MFSD2A: variants seen among roughly 807,000 people sequenced by gnomAD.
MFSD2A encodes MFSD2 lysolipid transporter A, lysophospholipid.
MFSD2A carries 27 observed loss-of-function variants against 64.7 expected under a neutral mutation model. The ratio of observed to expected loss-of-function variants is 0.42; its 90% confidence interval spans 0.31 to 0.58. MFSD2A has a LOEUF of 0.58. Among genes scored for constraint, MFSD2A ranks in the 20% least tolerant of loss-of-function variants. The probability of loss-of-function intolerance (pLI) is 0.18; values close to 1 mark genes in which losing one functional copy is unlikely to be tolerated. For missense variants in MFSD2A, 474 were observed against 679.5 expected, an observed-to-expected ratio of 0.70 and a Z score of 3.36; for synonymous variants, 258 against 273.4, an observed-to-expected ratio of 0.94 and a Z score of 0.55.
At chr1:39,959,445 G>A (rs35950692) in intron 3 of MFSD2A, among the ~76,000 whole-genome samples, 12,525 of 151,596 alleles carry the variant, frequency 0.083, 1,255 homozygotes, top group East Asian at 0.47. Context: ...TAGAGACAGC[G>A]TCTCACTATA....
intron 3 of MFSD2A, among the ~76,000 whole-genome samples, chr1:39,961,855 G>C (rs1005927230): frequency 6.6e-5 from 10 of 152,170 alleles, no homozygotes; most frequent in African/African-American, 2.4e-4. Flanking sequence ...GAGTTCTCAA[G>C]GCCAGTGTGT....
At position 39,955,649 on chromosome 1, in the gene MFSD2A, C is replaced by T. The variant is rs1270616412; in HGVS notation, c.93+264C>T. ...CAGCCCCATGTGATTCCCCGCTCTG[C>T]CTAGCCGGTTTCCATTCTTCCGTGT... On this transcript the variant is annotated intron_variant, in intron 1 of 13. Transcript: ENST00000372811. The surrounding 1 kb of genome is among the most constrained non-coding windows in gnomAD (Gnocchi z 5.9). 1.8e-5 allele frequency: 12 copies of T among 669,984 alleles called. No homozygotes were observed. The highest frequency in any genetic ancestry group is 3.3e-5 in the Non-Finnish European group (12 of 364,346). The allele number at this position is 669,984 out of a possible 1,614,324, so 41.5% of individuals were successfully genotyped here. A position where few individuals can be genotyped will look rare whatever the true frequency, so the allele number is the denominator to read the frequency against.
chr1:39,966,525 G>T, intron 6 of MFSD2A, 76 bp from the exon 7 acceptor site: 1 of 1,216,198 alleles, frequency 8.2e-7, no homozygotes. Context: ...AGATCATTGA[G>T]TGGGGCTGCT....
intron 9 of MFSD2A, 80 bp from the exon 10 acceptor site, chr1:39,967,548 C>A: frequency 1.5e-6 from 2 of 1,333,246 alleles, no homozygotes; most frequent in Non-Finnish European, 2.2e-6. Flanking sequence ...GGCTGGGAGC[C>A]ACTTTGGGGT....
intron 9 of MFSD2A, 152 bp from the exon 10 acceptor site, chr1:39,967,476 G>A (rs910190568): frequency 2.7e-5 from 20 of 737,696 alleles, no homozygotes; most frequent in Non-Finnish European, 3.1e-5. Context: ...CTGGGGAGCC[G>A]TCAAAGGTGC....
At position 39,965,072 on chromosome 1, in the gene MFSD2A, G is replaced by A; in HGVS notation, c.354-139G>A. On this transcript the variant is annotated intron_variant, in intron 3 of 13. Transcript: ENST00000372811. This position sits in a 1 kb window ranked among gnomAD's most constrained non-coding sequence, Gnocchi z 5.5. ...CTCTTCCCAGAGGCCCAGGATGGGT[G>A]GATTTGGCAGGAGTATGGGGAAGGA... 2.5e-6 allele frequency: 3 copies of A among 1,207,622 alleles called. No homozygotes were observed. Among genetic ancestry groups the A allele is most frequent in the Non-Finnish European group, 3.4e-6 (3 of 875,968 alleles). 74.8% of individuals were successfully genotyped at this position (1,207,622 alleles called of 1,614,324 possible). A position where few individuals can be genotyped will look rare whatever the true frequency, so the allele number is the denominator to read the frequency against.
intron 9 of MFSD2A, 121 bp from the exon 10 acceptor site, chr1:39,967,507 C>G: frequency 1.1e-6 from 1 of 895,910 alleles, no homozygotes; most frequent in Non-Finnish European, 1.9e-6. Flanking sequence ...CGTTGCTGCC[C>G]ACATGATGTC....
chr1:39,967,869 A>G lies in MFSD2A; in HGVS notation c.1161A>G (p.Val387=). The G allele has an allele frequency of 6.2e-7, 1 of 1,613,878 alleles. No individual in the cohort carries two copies. The highest frequency in any genetic ancestry group is 8.5e-7 in the Non-Finnish European group (1 of 1,179,898). Residue 387 remains valine (V), a synonymous_variant, in exon 11 of 14, where the codon GTA becomes GTG. Coordinates refer to ENST00000372811, the MANE Select transcript of MFSD2A (RefSeq NM_032793.5). The part of the protein sequence containing the change: ...MESNLIITYA[V]AVAAGISVAA... ...GTAACCTCATCATTACATATGCGGT[A>G]GCTGTGGCAGCTGGCATCAGTGTGG...
intron 6 of MFSD2A, 76 bp from the exon 7 acceptor site, chr1:39,966,525 G>A (rs1645164140): frequency 1.6e-6 from 2 of 1,216,080 alleles, no homozygotes; most frequent in Non-Finnish European, 1.2e-6. Flanking sequence ...AGATCATTGA[G>A]TGGGGCTGCT....
In MFSD2A at chr1:39,968,318, T is replaced by C. The variant is rs1259700089; in HGVS notation, c.1209-16T>C. ...TTAGGTGGGTCAGTCCTCATGGCTG[T>C]CACTACTCTGCGCAGGTCCATGCTG... is the stretch of plus-strand genomic sequence containing the variant. On this transcript the variant is annotated splice_polypyrimidine_tract_variant and intron_variant, in intron 11 of 13. Transcript: ENST00000372811. This position sits in a 1 kb window ranked among gnomAD's most constrained non-coding sequence, Gnocchi z 4.4. The C allele has an allele frequency of 1.2e-6, 2 of 1,614,024 alleles. No individual in the cohort carries two copies. Among genetic ancestry groups the C allele is most frequent in the East Asian group, 2.2e-5 (1 of 44,900 alleles).
chr1:39,959,246 CT>C (rs1260712054), intron 3 of MFSD2A, among the ~76,000 whole-genome samples: 3 of 150,782 alleles, frequency 2.0e-5, no homozygotes, highest in African/African-American at 4.9e-5. Context: ...TTCTATCTTT[CT>C]TTCTTTTTTT....
Position 39,967,246 on chromosome 1 carries a change from G to A in MFSD2A, c.1011+77G>A, listed in dbSNP as rs1645183869. 3.0e-6 allele frequency: 4 copies of A among 1,346,338 alleles called. No individual in the cohort carries two copies. The South Asian group carries it at 4.9e-5, about 16-fold the overall frequency. 83.4% of individuals were successfully genotyped at this position (1,346,338 alleles called of 1,614,324 possible). On this transcript the variant is annotated intron_variant, in intron 9 of 13. Coordinates refer to ENST00000372811, the MANE Select transcript of MFSD2A (RefSeq NM_032793.5). ...TGTGGAATGGTTCTTGGAATAGGCA[G>A]AGGATGTTTCTCAGGCTGGCCCAAG...
intron 3 of MFSD2A, chr1:39,962,960 T>A (rs1333192058): frequency 6.4e-7 from 1 of 1,551,414 alleles, no homozygotes; most frequent in East Asian, 2.3e-5. Context: ...GCCATGTCGG[T>A]CTGGGTGTTA....
In MFSD2A at chr1:39,958,629, C is replaced by A; in HGVS notation, c.229-72C>A. 6.2e-7 allele frequency: 1 copy of A among 1,613,786 alleles called. No individual in the cohort carries two copies. The highest frequency in any genetic ancestry group is 1.7e-5 in the Admixed American group (1 of 60,000). ...GGCTGAGATAGGGAGGGAGCCTCTG[C>A]TTCTGCCTACCAGTGAGAGTTGAGG... is the stretch of plus-strand genomic sequence containing the variant. On this transcript the variant is annotated intron_variant, in intron 2 of 13. Coordinates refer to ENST00000372811, the MANE Select transcript of MFSD2A (RefSeq NM_032793.5). The surrounding 1 kb of genome is among the most constrained non-coding windows in gnomAD (Gnocchi z 4.7).
rs547643033 is a variant in MFSD2A, at chr1:39,968,745, G to T, written c.1529G>T (p.Arg510Met). The change falls in exon 13 of 14, where the codon AGG (arginine) becomes ATG (methionine). Residue 510 changes from arginine (R) to methionine (M), a missense_variant and splice_region_variant. Transcript: ENST00000372811. This position sits in a 1 kb window ranked among gnomAD's most constrained non-coding sequence, Gnocchi z 4.4. ...RQNKKALQAL[R>M]DEASSSGCSE... is the part of the protein sequence containing the mutation. ...AATAAGAAGGCCCTGCAGGCACTGA[G>T]GTGAGTGGGGAGGGGACAGGATGCT... 4 of 1,613,798 alleles carry T rather than the reference G, an allele frequency of 2.5e-6. No individual in the cohort carries two copies. Among genetic ancestry groups the T allele is most frequent in the Non-Finnish European group, 3.4e-6 (4 of 1,179,970 alleles).
In MFSD2A at chr1:39,968,994, G is replaced by A. The variant is rs1394047656; in HGVS notation, c.1529+249G>A. ...CAAGACAAAAATCTCTGTCCTTAAG[G>A]AGCCTGTTATAGGACGTGTGTATCC... is the stretch of plus-strand genomic sequence containing the variant. On this transcript the variant is annotated intron_variant, in intron 13 of 13. Transcript: ENST00000372811. The surrounding 1 kb of genome is among the most constrained non-coding windows in gnomAD (Gnocchi z 4.4). 6.6e-6 allele frequency among the ~76,000 whole-genome samples: 1 copy of A among 152,144 alleles called. No individual in the cohort carries two copies. Among genetic ancestry groups the A allele is most frequent in the African/African-American group, 2.4e-5 (1 of 41,410 alleles).
rs1343594816 is a variant in MFSD2A at position 39,967,129 on chromosome 1, G to A, written c.971G>A (p.Gly324Asp). 1.9e-6 allele frequency: 3 copies of A among 1,614,090 alleles called. No homozygotes were observed. The highest frequency in any genetic ancestry group is 1.7e-5 in the Admixed American group (1 of 60,008). Residue 324 changes from glycine to aspartate, a missense_variant, in exon 9 of 14, where the codon GGC (glycine) becomes GAC (aspartate). Coordinates refer to ENST00000372811, the MANE Select transcript of MFSD2A (RefSeq NM_032793.5). Reference sequence around the variant, plus strand: ...GTCTTGTTTTGCACCTACACCTTGGGCTTCCGCAATGAATTCCAGAATCTA... The same window carrying A: ...GTCTTGTTTTGCACCTACACCTTGGACTTCCGCAATGAATTCCAGAATCTA... ...NFVLFCTYTL[G>D]FRNEFQNLLL...
Position 39,969,595 on chromosome 1 carries a change from A to G in MFSD2A, c.*27A>G. The stretch of plus-strand genomic sequence containing the variant: ...GCCCGCCACGTTGCCCGAAGCCACC[A>G]TGCAGAAGGCCACAGAAGGGATCAG... On this transcript the variant is annotated 3_prime_UTR_variant, in exon 14 of 14. Transcript: ENST00000372811. The G allele has an allele frequency of 6.2e-7, 1 of 1,605,670 alleles. No individual in the cohort carries two copies. The highest frequency in any genetic ancestry group is 1.1e-5 in the South Asian group (1 of 89,998).
In MFSD2A at chr1:39,968,133, C is replaced by A; in HGVS notation, c.1209-201C>A. On this transcript the variant is annotated intron_variant, in intron 11 of 13. Coordinates refer to ENST00000372811, the MANE Select transcript of MFSD2A (RefSeq NM_032793.5). This position sits in a 1 kb window ranked among gnomAD's most constrained non-coding sequence, Gnocchi z 4.4. ...AATGGGGGCTGTAATCTGGCCTGGG[C>A]TCCACTTGCCACGCTGAGCACCTCC... 1 of 687,396 alleles carries A rather than the reference C, an allele frequency of 1.5e-6. No homozygotes were observed. Among genetic ancestry groups the A allele is most frequent in the East Asian group, 2.7e-5 (1 of 36,946 alleles). The allele number at this position is 687,396 out of a possible 1,614,324, so 42.6% of individuals were successfully genotyped here. A position where few individuals can be genotyped will look rare whatever the true frequency, so the allele number is the denominator to read the frequency against.
Sources: gnomAD v4.1 joint callset for allele counts (sites outside exome capture counted in the v4.1 genomes callset) on GRCh38, gnomAD v4.1.1 for gene constraint, Gnocchi (gnomAD v3.1) non-coding constraint, MANE v1.5 for transcripts, NCBI Gene and HGNC (gene_info 2026-07-23, HGNC 2026-07-21) for gene names.